Variants in HOMER1 observed in about 807,000 individuals in gnomAD.
HOMER1 encodes homer protein homolog 1.
A neutral mutation model predicts 48.9 loss-of-function variants in HOMER1; 3 were observed. The ratio of observed to expected loss-of-function variants is 0.06; its 90% CI spans 0.03 to 0.16. HOMER1 has a LOEUF of 0.16. Among genes scored for constraint, HOMER1 ranks in the 10% least tolerant of loss-of-function variants. HOMER1 has a pLI of 1.00. For synonymous variants in HOMER1, 134 were observed against 146.4 expected (o/e 0.92, Z 0.61); for missense variants, 247 against 411.4 (o/e 0.60, Z 3.46).
chr5:79,502,000 G>C (rs1473356702), intron 1 of HOMER1, among the ~76,000 whole-genome samples: 1 of 148,928 alleles, frequency 6.7e-6, no homozygotes, highest in Non-Finnish European at 1.5e-5. Context: ...CTAGATGTAA[G>C]AACAGTAACA....
intron 1 of HOMER1, among the ~76,000 whole-genome samples, chr5:79,504,156 T>C (rs1561390942): frequency 6.6e-6 from 1 of 152,134 alleles, no homozygotes; most frequent in Non-Finnish European, 1.5e-5. Flanking sequence ...ATCTAGAATT[T>C]TTTTTTTTAA....
chr5:79,386,568 C>A (rs1205701048), intron 8 of HOMER1, among the ~76,000 whole-genome samples: 1 of 152,040 alleles, frequency 6.6e-6, no homozygotes, highest in Non-Finnish European at 1.5e-5. Flanking sequence ...GACTAGGGTT[C>A]CTATAGTTAG....
chr5:79,376,347 T>C (rs1748772380), intron 8 of HOMER1, 150 bp from the exon 9 acceptor site: 1 of 608,296 alleles, frequency 1.6e-6, no homozygotes, highest in East Asian at 2.9e-5. Flanking sequence ...TTTAAGGAGA[T>C]TTTAGACTTG....
chr5:79,502,268 T>C (rs1380636797), intron 1 of HOMER1, among the ~76,000 whole-genome samples: 2 of 152,124 alleles, frequency 1.3e-5, no homozygotes, highest in Admixed American at 1.3e-4. Context: ...TCTGCCCGCC[T>C]TGGCCTCCCA....
intron 5 of HOMER1, among the ~76,000 whole-genome samples, chr5:79,427,040 AT>A (rs1750275907): frequency 1.3e-5 from 2 of 152,206 alleles, no homozygotes; most frequent in South Asian, 4.1e-4. Flanking sequence ...TAATTATGGC[AT>A]TGATATACTG....
chr5:79,478,422 C>G (rs1290471004), intron 1 of HOMER1, among the ~76,000 whole-genome samples: 3 of 152,202 alleles, frequency 2.0e-5, no homozygotes, highest in Non-Finnish European at 4.4e-5. Context: ...GGCGCAGTGG[C>G]TCACGCCTGT....
chr5:79,490,897 G>A (rs1439372281), intron 1 of HOMER1, among the ~76,000 whole-genome samples: 1 of 151,232 alleles, frequency 6.6e-6, no homozygotes, highest in South Asian at 2.1e-4. Context: ...GAGGCTGCAG[G>A]CTGGGTGACA....
rs1749423380 is a variant in HOMER1, at chr5:79,397,663, A to G, written c.685-26T>C. The stretch of plus-strand genomic sequence containing the variant: ...CTAAAATTAAATGAGAACACAGATT[A>G]ACTTAAATTTCAACTTTAAAGAGTT... On this transcript the variant is annotated intron_variant, in intron 6 of 8. Transcript: ENST00000334082. The G allele has an allele frequency of 2.2e-6, 3 of 1,388,654 alleles. No homozygotes were observed. In the East Asian group the frequency reaches 6.9e-5, roughly 32 times the overall value. The allele number at this position is 1,388,654 out of a possible 1,614,324, so 86.0% of individuals were successfully genotyped here. A position where few individuals can be genotyped will look rare whatever the true frequency, so the allele number is the denominator to read the frequency against.
Position 79,373,196 on chromosome 5 carries a change from C to T in HOMER1, c.*2813G>A, listed in dbSNP as rs949862544. 20 of 151,976 alleles carry T rather than the reference C, an allele frequency of 1.3e-4. No individual in the cohort carries two copies. Among genetic ancestry groups the T allele is most frequent in the Admixed American group, 2.6e-4 (4 of 15,260 alleles). 9.4% of individuals were successfully genotyped at this position (151,976 alleles called of 1,614,324 possible). On this transcript the variant is annotated 3_prime_UTR_variant, in exon 9 of 9. Transcript: ENST00000334082. The stretch of plus-strand genomic sequence containing the variant: ...GAAAGATTTAAGTAAATGCTGTCAT[C>T]ATTTAAATGCTTTTAAATATCTGTA...
chr5:79,481,085 T>G (rs1329193712), intron 1 of HOMER1, among the ~76,000 whole-genome samples: 2 of 152,246 alleles, frequency 1.3e-5, no homozygotes, highest in Non-Finnish European at 2.9e-5. Flanking sequence ...TTTCATACTT[T>G]CCATCTTCTT....
chr5:79,433,803 A>T (rs1052186521), intron 5 of HOMER1, among the ~76,000 whole-genome samples: 7 of 152,170 alleles, frequency 4.6e-5, no homozygotes, highest in African/African-American at 1.7e-4. Flanking sequence ...GATGGAGTAA[A>T]CCCATACAGA....
intron 1 of HOMER1, among the ~76,000 whole-genome samples, chr5:79,497,381 G>A (rs1324207139): frequency 6.6e-6 from 1 of 152,078 alleles, no homozygotes; most frequent in Non-Finnish European, 1.5e-5. Context: ...TGGGTGCAGT[G>A]GCTCATGCCT....
intron 1 of HOMER1, among the ~76,000 whole-genome samples, chr5:79,471,093 T>C (rs187773240): frequency 1.5e-4 from 23 of 152,198 alleles, no homozygotes; most frequent in African/African-American, 4.8e-4. Context: ...AAAATGCAGA[T>C]GGCTGTTAAA....
intron 5 of HOMER1, among the ~76,000 whole-genome samples, chr5:79,416,637 G>T (rs900400923): frequency 6.6e-6 from 1 of 152,158 alleles, no homozygotes; most frequent in East Asian, 1.9e-4. Flanking sequence ...TAACATCTGT[G>T]CACTGCTTGC....
At chr5:79,376,990 C>T (rs1748788297) in intron 8 of HOMER1, among the ~76,000 whole-genome samples, 1 of 152,076 alleles carries the variant, frequency 6.6e-6, no homozygotes, top group African/African-American at 2.4e-5. Context: ...CTTTGAGACA[C>T]AGTCTCACTC....
At chr5:79,448,203 C>G (rs576317235) in intron 3 of HOMER1, among the ~76,000 whole-genome samples, 2 of 152,150 alleles carry the variant, frequency 1.3e-5, no homozygotes, top group Non-Finnish European at 2.9e-5. Flanking sequence ...TCCAATTGAA[C>G]AGAGTATCTC....
intron 5 of HOMER1, among the ~76,000 whole-genome samples, chr5:79,419,844 T>C (rs1215788492): frequency 6.6e-6 from 1 of 151,238 alleles, no homozygotes; most frequent in Admixed American, 6.6e-5. Context: ...CAGTGCTAAA[T>C]GACTTCTGGA....
chr5:79,381,038 C>T (rs1365022067), intron 8 of HOMER1, among the ~76,000 whole-genome samples: 1 of 151,986 alleles, frequency 6.6e-6, no homozygotes, highest in East Asian at 1.9e-4. Flanking sequence ...CACCAGGAGA[C>T]CCCAAAATCA....
chr5:79,389,878 C>T (rs1022279621), intron 8 of HOMER1, among the ~76,000 whole-genome samples: 14 of 151,770 alleles, frequency 9.2e-5, no homozygotes, highest in Admixed American at 1.3e-4. Context: ...AGTATTCTGA[C>T]GAGGTAGAAA....
Sources: allele counts gnomAD v4.1 joint callset (sites outside exome capture counted in the v4.1 genomes callset), GRCh38; gene constraint gnomAD v4.1.1; transcripts MANE v1.5; gene names NCBI Gene and HGNC (gene_info 2026-07-23, HGNC 2026-07-21).